FADD: variants seen among roughly 807,000 people sequenced by gnomAD.
The protein encoded by FADD is Fas associated via death domain, also known as FAS-associated death domain protein.
Under a neutral mutation model 5.8 loss-of-function variants are expected in FADD, and 3 were observed. The observed-to-expected ratio is 0.52, with a 90% CI of 0.24 to 1.34. The LOEUF (loss-of-function observed/expected upper bound fraction) is 1.34, where lower values mean the gene tolerates loss of function less well. Ranked by LOEUF, FADD falls within the 40% of genes most tolerant of loss-of-function variation. FADD has a pLI of 0.17. For missense variants in FADD, 249 were observed against 286.7 expected, an observed-to-expected ratio of 0.87 and a Z score of 0.95; for synonymous variants, 138 against 130.8, an observed-to-expected ratio of 1.06 and a Z score of -0.38.
Position 70,203,453 on chromosome 11 carries a change from C to A in FADD, c.-7C>A. Reference sequence around the variant, plus strand: ...GGCCGCAGCCCCGGCCGCTTGCAGACCCCGCCATGGACCCGTTCCTGGTGC... The same window carrying A: ...GGCCGCAGCCCCGGCCGCTTGCAGAACCCGCCATGGACCCGTTCCTGGTGC... On this transcript the variant is annotated 5_prime_UTR_variant, in exon 1 of 2. Transcript: ENST00000301838. 1.3e-6 allele frequency: 2 copies of A among 1,569,118 alleles called. No homozygotes were observed. The highest frequency in any genetic ancestry group is 1.2e-5 in the South Asian group (1 of 86,430).
At position 70,206,457 on chromosome 11, in the gene FADD, C is replaced by T. The variant is rs1415390193; in HGVS notation, c.611C>T (p.Thr204Ile). 1.9e-6 allele frequency: 3 copies of T among 1,613,828 alleles called. No homozygotes were observed. Among genetic ancestry groups the T allele is most frequent in the Non-Finnish European group, 2.5e-6 (3 of 1,179,954 alleles). The part of the protein sequence containing the change: ...SPMSWNSDAS[T>I]SEAS ...ATGTCATGGAACTCAGACGCATCTA[C>T]CTCCGAAGCGTCCTGATGGGCCGCT... Residue 204 changes from threonine (T) to isoleucine (I), a missense_variant, in exon 2 of 2, where the codon ACC (threonine) becomes ATC (isoleucine). Transcript: ENST00000301838.
rs770801650 is a variant in FADD, at chr11:70,206,377, A to G, written c.531A>G (p.Val177=). The G allele has an allele frequency of 1.2e-6, 2 of 1,614,126 alleles. No individual in the cohort carries two copies. The highest frequency in any genetic ancestry group is 2.2e-5 in the East Asian group (1 of 44,870). The change falls in exon 2 of 2, where the codon GTA becomes GTG. Residue 177 remains valine (V), a synonymous_variant. Transcript: ENST00000301838. ...AGATGAACCTGGTGGCTGACCTGGT[A>G]CAAGAGGTTCAGCAGGCCCGTGACC... is the stretch of plus-strand genomic sequence containing the variant. The part of the protein sequence containing the change: ...SCQMNLVADL[V]QEVQQARDLQ...
rs2049437350 is a variant in FADD at position 70,203,502 on chromosome 11, C to A, written c.43C>A (p.Leu15Met). The A allele has an allele frequency of 5.6e-6, 9 of 1,605,690 alleles. No homozygotes were observed. The highest frequency in any genetic ancestry group is 7.6e-6 in the Non-Finnish European group (9 of 1,176,636). ...LVLLHSVSSS[L>M]SSSELTELKF... ...GCTGCTGCACTCGGTGTCGTCCAGC[C>A]TGTCGAGCAGCGAGCTGACCGAGCT... Residue 15 changes from leucine (L) to methionine (M), a missense_variant, in exon 1 of 2, where the codon CTG becomes ATG. Leu to Met is a conservative substitution (Grantham distance 15). Coordinates refer to ENST00000301838, the MANE Select transcript of FADD (RefSeq NM_003824.4).
intron 1 of FADD, among the ~76,000 whole-genome samples, chr11:70,205,102 C>T (rs563380279): frequency 6.6e-6 from 1 of 152,318 alleles, no homozygotes; most frequent in African/African-American, 2.4e-5. Flanking sequence ...TCTGTACAGT[C>T]ATGGTAACAC....
At position 70,206,153 on chromosome 11, in the gene FADD, G is replaced by C. The variant is rs200845739; in HGVS notation, c.307G>C (p.Val103Leu). The C allele has an allele frequency of 6.2e-7, 1 of 1,614,064 alleles. No homozygotes were observed. Among genetic ancestry groups the C allele is most frequent in the South Asian group, 1.1e-5 (1 of 91,060 alleles). The change falls in exon 2 of 2, where the codon GTC (valine) becomes CTC (leucine). Residue 103 changes from valine (V) to leucine (L), a missense_variant. Physicochemically the swap from Val to Leu is conservative, Grantham distance 32. Transcript: ENST00000301838. ...CCCAGACCTGTGTGCAGCATTTAACGTCATATGTGATAATGTGGGGAAAGA... is the reference window on the plus strand; with the variant it reads ...CCCAGACCTGTGTGCAGCATTTAACCTCATATGTGATAATGTGGGGAAAGA... ...GEEDLCAAFN[V>L]ICDNVGKDWR...
intron 1 of FADD, among the ~76,000 whole-genome samples, 200 bp downstream of exon 1, chr11:70,203,945 C>T (rs140332865): frequency 6.6e-6 from 1 of 152,252 alleles, no homozygotes; most frequent in African/African-American, 2.4e-5. Context: ...AGGGCGTGGA[C>T]ACGCACAGTC....
In FADD at chr11:70,207,017, C is replaced by CTGT. The variant is rs4197; in HGVS notation, c.*545_*547dup. 74,321 of 151,014 alleles carry CTGT rather than the reference C, an allele frequency of 0.49. 18,904 individuals carry two copies. The highest frequency in any genetic ancestry group is 0.67 in the East Asian group (3,282 of 4,928). The allele number at this position is 151,014 out of a possible 1,614,324, so 9.4% of individuals were successfully genotyped here. ...CTGGACACTAGGGTCAGGCGGGGTGCTGTGGTGGGGAGAGGCATGGCTGGG... is the reference window on the plus strand; with the variant it reads ...CTGGACACTAGGGTCAGGCGGGGTGCTGTTGTGGTGGGGAGAGGCATGGCTGGG... On this transcript the variant is annotated 3_prime_UTR_variant, in exon 2 of 2. Coordinates refer to ENST00000301838, the MANE Select transcript of FADD (RefSeq NM_003824.4).
Position 70,206,385 on chromosome 11 carries a change from T to C in FADD, c.539T>C (p.Val180Ala), listed in dbSNP as rs2049460510. 2 of 1,613,526 alleles carry C rather than the reference T, an allele frequency of 1.2e-6. No individual in the cohort carries two copies. The highest frequency in any genetic ancestry group is 2.7e-5 in the African/African-American group (2 of 74,732). Residue 180 changes from valine to alanine, a missense_variant, in exon 2 of 2, where the codon GTT becomes GCT. Physicochemically the swap from Val to Ala is moderately conservative, Grantham distance 64. Coordinates refer to ENST00000301838, the MANE Select transcript of FADD (RefSeq NM_003824.4). The stretch of plus-strand genomic sequence containing the variant: ...CTGGTGGCTGACCTGGTACAAGAGG[T>C]TCAGCAGGCCCGTGACCTCCAGAAC... ...MNLVADLVQE[V>A]QQARDLQNRS...
chr11:70,206,021 A>G, intron 1 of FADD, 112 bp from the exon 2 acceptor site: 1 of 895,304 alleles, frequency 1.1e-6, no homozygotes. Flanking sequence ...GACCTCGTGT[A>G]GGCACCTCTG....
At chr11:70,205,133 G>T (rs184044783) in intron 1 of FADD, among the ~76,000 whole-genome samples, 7 of 151,076 alleles carry the variant, frequency 4.6e-5, no homozygotes, top group Non-Finnish European at 1.0e-4. Context: ...CCACAGGGCT[G>T]TCAGAGCTGC....
chr11:70,206,762 C>T lies in FADD; in HGVS notation c.*289C>T. 1 of 454,130 alleles carries T rather than the reference C, an allele frequency of 2.2e-6. No homozygotes were observed. Among genetic ancestry groups the T allele is most frequent in the Non-Finnish European group, 4.1e-6 (1 of 244,324 alleles). The allele number at this position is 454,130 out of a possible 1,614,324, so 28.1% of individuals were successfully genotyped here. A position where few individuals can be genotyped will look rare whatever the true frequency, so the allele number is the denominator to read the frequency against. Reference sequence around the variant, plus strand: ...AGTAGTTGGAAAGTTGGAACCGTGTCCAGCACAGAAGGAATCTGTGCAGAT... The same window carrying T: ...AGTAGTTGGAAAGTTGGAACCGTGTTCAGCACAGAAGGAATCTGTGCAGAT... On this transcript the variant is annotated 3_prime_UTR_variant, in exon 2 of 2. Transcript: ENST00000301838.
chr11:70,206,195 C>T lies in FADD; in HGVS notation c.349C>T (p.Arg117Cys). The T allele has an allele frequency of 3.7e-6, 6 of 1,614,138 alleles. No homozygotes were observed. Among genetic ancestry groups the T allele is most frequent in the Non-Finnish European group, 5.1e-6 (6 of 1,180,030 alleles). Residue 117 changes from arginine (R) to cysteine (C), a missense_variant, in exon 2 of 2, where the codon CGT (arginine) becomes TGT (cysteine). Coordinates refer to ENST00000301838, the MANE Select transcript of FADD (RefSeq NM_003824.4). ...NVGKDWRRLA[R>C]QLKVSDTKID... ...GGGGAAAGATTGGAGAAGGCTGGCT[C>T]GTCAGCTCAAAGTCTCAGACACCAA...
Position 70,206,982 on chromosome 11 carries a change from C to T in FADD, c.*509C>T, listed in dbSNP as rs946344587. 13 of 174,788 alleles carry T rather than the reference C, an allele frequency of 7.4e-5. No homozygotes were observed. Among genetic ancestry groups the T allele is most frequent in the Non-Finnish European group, 1.2e-4 (10 of 82,190 alleles). 10.8% of individuals were successfully genotyped at this position (174,788 alleles called of 1,614,324 possible). A position where few individuals can be genotyped will look rare whatever the true frequency, so the allele number is the denominator to read the frequency against. ...TTTGTCCCATTTCCTTGGAGGCCAC[C>T]GGGACAGACCTGGACACTAGGGTCA... is the stretch of plus-strand genomic sequence containing the variant. On this transcript the variant is annotated 3_prime_UTR_variant, in exon 2 of 2. Transcript: ENST00000301838.
chr11:70,203,754 G>GGGGCC lies in FADD; in HGVS notation c.286+18_286+22dup, dbSNP rs1235976658. On this transcript the variant is annotated intron_variant, in intron 1 of 1. Coordinates refer to ENST00000301838, the MANE Select transcript of FADD (RefSeq NM_003824.4). ...CGCGCCTGGGGAAGAAGGTGGGCGC[G>GGGGCC]GGGCCGGGCCGGGGGAGCCAGGGCC... is the stretch of plus-strand genomic sequence containing the variant. 7.8e-7 allele frequency: 1 copy of GGGGCC among 1,286,258 alleles called. No individual in the cohort carries two copies. The highest frequency in any genetic ancestry group is 1.0e-6 in the Non-Finnish European group (1 of 1,003,226). The allele number at this position is 1,286,258 out of a possible 1,614,324, so 79.7% of individuals were successfully genotyped here. A position where few individuals can be genotyped will look rare whatever the true frequency, so the allele number is the denominator to read the frequency against.
chr11:70,204,934 G>A (rs1340174680), intron 1 of FADD, among the ~76,000 whole-genome samples: 1 of 152,142 alleles, frequency 6.6e-6, no homozygotes, highest in Non-Finnish European at 1.5e-5. Context: ...GGACAGGTTG[G>A]TAGCGGGCGA....
At chr11:70,205,139 G>A (rs1380412198) in intron 1 of FADD, among the ~76,000 whole-genome samples, 1 of 150,964 alleles carries the variant, frequency 6.6e-6, no homozygotes, top group Admixed American at 6.6e-5. Flanking sequence ...GGCTGTCAGA[G>A]CTGCGGGAGC....
intron 1 of FADD, 34 bp from the exon 2 acceptor site, chr11:70,206,099 C>A: frequency 6.3e-7 from 1 of 1,582,500 alleles, no homozygotes; most frequent in Non-Finnish European, 8.7e-7. Flanking sequence ...TGTCTCCAAA[C>A]CTATGGTAAA....
At chr11:70,204,555 G>A (rs2049445517) in intron 1 of FADD, among the ~76,000 whole-genome samples, 1 of 152,160 alleles carries the variant, frequency 6.6e-6, no homozygotes, top group Non-Finnish European at 1.5e-5. Flanking sequence ...ACGCCTCTCA[G>A]AGGCTTCAAG....
chr11:70,206,984 G>T lies in FADD; in HGVS notation c.*511G>T. 5.8e-6 allele frequency: 1 copy of T among 172,066 alleles called. No homozygotes were observed. Among genetic ancestry groups the T allele is most frequent in the South Asian group, 1.3e-4 (1 of 7,742 alleles). The allele number at this position is 172,066 out of a possible 1,614,324, so 10.7% of individuals were successfully genotyped here. On this transcript the variant is annotated 3_prime_UTR_variant, in exon 2 of 2. Transcript: ENST00000301838. The stretch of plus-strand genomic sequence containing the variant: ...TGTCCCATTTCCTTGGAGGCCACCG[G>T]GACAGACCTGGACACTAGGGTCAGG...
Sources: allele counts gnomAD v4.1 joint callset (sites outside exome capture counted in the v4.1 genomes callset), GRCh38; gene constraint gnomAD v4.1.1; transcripts MANE v1.5; gene names NCBI Gene and HGNC (gene_info 2026-07-23, HGNC 2026-07-21).